SYCP3: variants seen among roughly 807,000 people sequenced by gnomAD.
SYCP3 encodes synaptonemal complex protein 3.
Under a neutral mutation model 38.5 loss-of-function variants are expected in SYCP3, and 29 were observed. The ratio of observed to expected loss-of-function variants is 0.75; its 90% CI spans 0.56 to 1.03. The LOEUF is 1.03. Among genes scored for constraint, SYCP3 ranks in the 50% least tolerant of loss-of-function variants. The pLI, the probability that SYCP3 is intolerant of heterozygous loss-of-function variation, is 0.00. For missense variants in SYCP3, 242 were observed against 270.7 expected (o/e 0.89, Z 0.74); for synonymous variants, 79 against 80.3 (o/e 0.98, Z 0.08).
In SYCP3 at chr12:101,729,216, A is replaced by G; in HGVS notation, c.553-3T>C. On this transcript the variant is annotated splice_region_variant and splice_polypyrimidine_tract_variant and intron_variant, in intron 7 of 8. Coordinates refer to ENST00000392924, the MANE Select transcript of SYCP3 (RefSeq NM_001177949.2). ...TTCTTCTCCAACTCTTCCATACTCT[A>G]AAAACACAAAAGACAAGTTAAGTTA... The G allele has an allele frequency of 1.9e-6, 3 of 1,612,462 alleles. No homozygotes were observed. The highest frequency in any genetic ancestry group is 2.5e-6 in the Non-Finnish European group (3 of 1,179,204).
rs1566048337 is a variant in SYCP3 at position 101,729,180 on chromosome 12, G to C, written c.586C>G (p.Leu196Val). 6.2e-7 allele frequency: 1 copy of C among 1,612,746 alleles called. No homozygotes were observed. Among genetic ancestry groups the C allele is most frequent in the Non-Finnish European group, 8.5e-7 (1 of 1,179,480 alleles). ...MEELEKNHDN[L>V]LTGAQNEFKK... The stretch of plus-strand genomic sequence containing the variant: ...AATTCATTTTGTGCACCAGTAAGTA[G>C]ATTATCATGATTCTTCTCCAACTCT... The change falls in exon 8 of 9, where the codon CTA (leucine) becomes GTA (valine). Residue 196 changes from leucine (L) to valine (V), a missense_variant. Leu to Val is a conservative substitution (Grantham distance 32). Transcript: ENST00000392924.
chr12:101,730,476 A>C, intron 7 of SYCP3: 1 of 421,528 alleles, frequency 2.4e-6, no homozygotes, highest in Non-Finnish European at 4.6e-6. Flanking sequence ...TTTTAAAATA[A>C]CATGTGTGTG....
rs201568592 is a variant in SYCP3 at position 101,735,871 on chromosome 12, AT to A, written c.236-828del. Among the ~76,000 whole-genome samples, 20 of 74,754 alleles carry A rather than the reference AT, an allele frequency of 2.7e-4. 1 individual carries two copies. The highest frequency in any genetic ancestry group is 7.0e-3 in the Middle Eastern group (1 of 142). The allele number at this position is 74,754 out of a possible 152,430, so 49.0% of individuals were successfully genotyped here. The stretch of plus-strand genomic sequence containing the variant: ...CAATTTTATATATATATATATATAT[AT>A]TTTTTTTTTTTTAAAGACACGGGGG... On this transcript the variant is annotated intron_variant, in intron 4 of 8. Transcript: ENST00000392924.
chr12:101,739,443 C>G lies in SYCP3; in HGVS notation c.-110G>C. On this transcript the variant is annotated 5_prime_UTR_variant, in exon 1 of 9. Transcript: ENST00000392924. Reference sequence around the variant, plus strand: ...ACAAGCGCGCTTCACCTGAGGTGGCCCCTTCTCCGCGACGCTTCTGAGGCA... The same window carrying G: ...ACAAGCGCGCTTCACCTGAGGTGGCGCCTTCTCCGCGACGCTTCTGAGGCA... 1.0e-6 allele frequency: 1 copy of G among 1,002,674 alleles called. No homozygotes were observed. The highest frequency in any genetic ancestry group is 1.2e-6 in the Non-Finnish European group (1 of 830,302). 62.1% of individuals were successfully genotyped at this position (1,002,674 alleles called of 1,614,324 possible).
Position 101,729,167 on chromosome 12 carries a change from G to A in SYCP3, c.599C>T (p.Ala200Val), listed in dbSNP as rs1364549552. 2.5e-6 allele frequency: 4 copies of A among 1,611,790 alleles called. No homozygotes were observed. In the African/African-American group the frequency reaches 4.0e-5, roughly 16 times the overall value. Reference protein sequence around the residue: ...EKNHDNLLTGAQNEFKKEMAM... With the variant: ...EKNHDNLLTGVQNEFKKEMAM... ...CATTTCTTTTTTAAATTCATTTTGT[G>A]CACCAGTAAGTAGATTATCATGATT... Residue 200 changes from alanine to valine, a missense_variant, in exon 8 of 9, where the codon GCA becomes GTA. Transcript: ENST00000392924.
chr12:101,736,604 G>A (rs914288403), intron 4 of SYCP3, among the ~76,000 whole-genome samples: 2 of 151,916 alleles, frequency 1.3e-5, no homozygotes, highest in Non-Finnish European at 2.9e-5. Context: ...TATTTTAGAG[G>A]CTTAATTTAC....
intron 7 of SYCP3, among the ~76,000 whole-genome samples, chr12:101,730,305 A>G (rs1952128856): frequency 6.6e-6 from 1 of 152,100 alleles, no homozygotes; most frequent in African/African-American, 2.4e-5. Flanking sequence ...AGGAGATGGA[A>G]GAGTCAAAGG....
intron 6 of SYCP3, 60 bp downstream of exon 6, chr12:101,733,515 G>T: frequency 1.4e-6 from 2 of 1,442,636 alleles, no homozygotes; most frequent in East Asian, 2.3e-5. Flanking sequence ...ACAATAAAAG[G>T]CTAGGTTGTC....
At chr12:101,738,916 C>T (rs953060302) in intron 1 of SYCP3, among the ~76,000 whole-genome samples, 1 of 152,138 alleles carries the variant, frequency 6.6e-6, no homozygotes, top group African/African-American at 2.4e-5. Context: ...TAGTTGCTGG[C>T]GGGACACGAC....
chr12:101,733,911 G>T (rs986704383), intron 5 of SYCP3, among the ~76,000 whole-genome samples: 2 of 152,050 alleles, frequency 1.3e-5, no homozygotes, highest in Non-Finnish European at 2.9e-5. Flanking sequence ...GAAAACTAAG[G>T]AAGTTTTATT....
At chr12:101,735,336 T>G (rs1952359741) in intron 4 of SYCP3, among the ~76,000 whole-genome samples, 1 of 152,094 alleles carries the variant, frequency 6.6e-6, no homozygotes, top group African/African-American at 2.4e-5. Context: ...AGGACAGACT[T>G]TAAATTTCCC....
rs1952192469 is a variant in SYCP3, at chr12:101,731,590, T to C, written c.530A>G (p.Gln177Arg). ...AACCTTTATGAACTGCTCATATAAC[T>C]GTTTAATTGTTTTCAATCTCTGGCT... Reference protein sequence around the residue: ...VQSQRLKTIKQLYEQFIKSME... With the variant: ...VQSQRLKTIKRLYEQFIKSME... The change falls in exon 7 of 9, where the codon CAG becomes CGG. Residue 177 changes from glutamine (Q) to arginine (R), a missense_variant. Transcript: ENST00000392924. 6.2e-7 allele frequency: 1 copy of C among 1,605,920 alleles called. No individual in the cohort carries two copies. Among genetic ancestry groups the C allele is most frequent in the Non-Finnish European group, 8.5e-7 (1 of 1,177,656 alleles).
chr12:101,729,182 T>A lies in SYCP3; in HGVS notation c.584A>T (p.Asn195Ile). The change falls in exon 8 of 9, where the codon AAT becomes ATT. Residue 195 changes from asparagine to isoleucine, a missense_variant. Asn to Ile is a moderately radical substitution (Grantham distance 149). Coordinates refer to ENST00000392924, the MANE Select transcript of SYCP3 (RefSeq NM_001177949.2). The stretch of plus-strand genomic sequence containing the variant: ...TTCATTTTGTGCACCAGTAAGTAGA[T>A]TATCATGATTCTTCTCCAACTCTTC... ...SMEELEKNHD[N>I]LLTGAQNEFK... The A allele has an allele frequency of 6.2e-7, 1 of 1,613,130 alleles. No homozygotes were observed. Among genetic ancestry groups the A allele is most frequent in the Non-Finnish European group, 8.5e-7 (1 of 1,179,526 alleles).
At chr12:101,730,493 T>A (rs1390273222) in intron 7 of SYCP3, 3 of 174,832 alleles carry the variant, frequency 1.7e-5, no homozygotes, top group Admixed American at 5.8e-5. Context: ...TGTGTATAAT[T>A]TTTTTTTTTT....
intron 2 of SYCP3, 78 bp downstream of exon 2, chr12:101,737,721 AAACT>A: frequency 1.2e-6 from 2 of 1,600,442 alleles, no homozygotes; most frequent in Non-Finnish European, 1.7e-6. Context: ...AATGCTTTAC[AAACT>A]AAGTTGTACG....
rs199546634 is a variant in SYCP3, at chr12:101,731,676, T to C, written c.454-10A>G. The stretch of plus-strand genomic sequence containing the variant: ...GCTGTCGAAACATATTCTACAAATA[T>C]AAAAGAAAAAAAACTGTGTAATAAC... On this transcript the variant is annotated splice_polypyrimidine_tract_variant and intron_variant, in intron 6 of 8. Coordinates refer to ENST00000392924, the MANE Select transcript of SYCP3 (RefSeq NM_001177949.2). 1.3e-6 allele frequency: 2 copies of C among 1,510,736 alleles called. No homozygotes were observed. Among genetic ancestry groups the C allele is most frequent in the South Asian group, 1.5e-5 (1 of 64,720 alleles). 93.6% of individuals were successfully genotyped at this position (1,510,736 alleles called of 1,614,324 possible). A position where few individuals can be genotyped will look rare whatever the true frequency, so the allele number is the denominator to read the frequency against.
At chr12:101,729,267 T>C in intron 7 of SYCP3, 54 bp from the exon 8 acceptor site, 1 of 1,520,442 alleles carries the variant, frequency 6.6e-7, no homozygotes, top group Middle Eastern at 1.7e-4. Context: ...CATCTCAGGT[T>C]CTAAACTTGT....
intron 2 of SYCP3, chr12:101,737,501 T>C: frequency 3.0e-6 from 2 of 657,910 alleles, no homozygotes; most frequent in Non-Finnish European, 5.1e-6. Context: ...GGAATAATTT[T>C]TCAAGTCTCC....
chr12:101,732,016 C>T (rs1952211123), intron 6 of SYCP3: 2 of 220,922 alleles, frequency 9.1e-6, no homozygotes, highest in South Asian at 1.3e-4. Flanking sequence ...CATTGACTTA[C>T]ATACTCCCAC....
Sources: allele counts gnomAD v4.1 joint callset (sites outside exome capture counted in the v4.1 genomes callset), GRCh38; gene constraint gnomAD v4.1.1; transcripts MANE v1.5; gene names NCBI Gene and HGNC (gene_info 2026-07-23, HGNC 2026-07-21).